Variants in ZNF846 observed in about 807,000 individuals in gnomAD.
ZNF846 encodes the protein zinc finger protein 846, also known as zinc finger protein 420 pseudogene.
In ZNF846, 15 loss-of-function variants were observed where a neutral mutation model predicts 16.0. The ratio of observed to expected loss-of-function variants is 0.94; its 90% confidence interval spans 0.63 to 1.45. ZNF846 has a LOEUF of 1.45. Among genes scored for constraint, ZNF846 ranks in the 40% most tolerant of loss-of-function variants. The pLI is 0.00. For synonymous variants in ZNF846, 229 were observed against 212.0 expected (o/e 1.08, Z -0.70); for missense variants, 714 against 622.3 (o/e 1.15, Z -1.57).
At position 9,783,544 on chromosome 19, in the gene ZNF846, AATAT is replaced by A. The variant is rs1555714919; in HGVS notation, c.-86+2390_-86+2393del. ...TCATCACTAAAAAAAAAAAAAAAAA[AATAT>A]ATATATATATATATATATTCTTTAA... On this transcript the variant is annotated intron_variant, in intron 1 of 4. Coordinates refer to the ZNF846 transcript ENST00000586814. Among the ~76,000 whole-genome samples, 348 of 108,794 alleles carry A rather than the reference AATAT, an allele frequency of 3.2e-3. 2 individuals are homozygous for A. The highest frequency in any genetic ancestry group is 0.014 in the African/African-American group (325 of 22,774). 71.4% of individuals were successfully genotyped at this position (108,794 alleles called of 152,430 possible). A position where few individuals can be genotyped will look rare whatever the true frequency, so the allele number is the denominator to read the frequency against.
chr19:9,778,853 A>C (rs2045473340), intron 1 of ZNF846, among the ~76,000 whole-genome samples: 1 of 146,348 alleles, frequency 6.8e-6, no homozygotes, highest in African/African-American at 2.5e-5. Context: ...TATGTTGCCC[A>C]GGCTGGATTC....
At chr19:9,764,969 C>A in exon 2 of ZNF846, 1 of 1,614,126 alleles carries the variant, frequency 6.2e-7, no homozygotes, top group East Asian at 2.2e-5. Flanking sequence ...CATCAGTAAC[C>A]CAGCCACTAG....
In ZNF846 at chr19:9,785,369, T is replaced by C. The variant is rs1367784972; in HGVS notation, c.-86+569A>G. 2.6e-5 allele frequency among the ~76,000 whole-genome samples: 4 copies of C among 152,054 alleles called. No individual in the cohort carries two copies. In the East Asian group the frequency reaches 7.7e-4, roughly 29 times the overall value. On this transcript the variant is annotated intron_variant, in intron 1 of 4. Transcript: ENST00000586814. Reference sequence around the variant, plus strand: ...CCTGCCAGCATGCCCAGCTAATTTTTGTATTTTTAGTAGAGATGGGGTTTC... The same window carrying C: ...CCTGCCAGCATGCCCAGCTAATTTTCGTATTTTTAGTAGAGATGGGGTTTC...
chr19:9,764,705 AAG>A, intron 2 of ZNF846: 1 of 554,910 alleles, frequency 1.8e-6, no homozygotes, highest in South Asian at 2.1e-5. Flanking sequence ...CCTGGGAACA[AAG>A]AGAGAGCCCC....
At chr19:9,767,090 G>A (rs1599393541) in intron 1 of ZNF846, among the ~76,000 whole-genome samples, 2 of 151,490 alleles carry the variant, frequency 1.3e-5, no homozygotes, top group South Asian at 4.2e-4. Flanking sequence ...GCTTCCCAAA[G>A]TGCTGGGATT....
At chr19:9,773,901 G>C (rs532164698) in intron 1 of ZNF846, among the ~76,000 whole-genome samples, 29 of 152,304 alleles carry the variant, frequency 1.9e-4, no homozygotes, top group Non-Finnish European at 3.2e-4. Flanking sequence ...AAAATAATAA[G>C]TTAACAGAAT....
chr19:9,763,008 G>C (rs1283794908), intron 3 of ZNF846, among the ~76,000 whole-genome samples: 1 of 152,104 alleles, frequency 6.6e-6, no homozygotes, highest in Non-Finnish European at 1.5e-5. Context: ...GATGGCCATG[G>C]TGGTGCACAC....
At chr19:9,784,640 G>GTT (rs1429849295) in intron 1 of ZNF846, among the ~76,000 whole-genome samples, 1 of 152,102 alleles carries the variant, frequency 6.6e-6, no homozygotes, top group Non-Finnish European at 1.5e-5. Context: ...CTGGGGGACA[G>GTT]TAAGGTCTTT....
chr19:9,751,407 T>TA (rs933130981), downstream of ZNF846, among the ~76,000 whole-genome samples: 6 of 152,096 alleles, frequency 3.9e-5, no homozygotes, highest in African/African-American at 9.7e-5. Flanking sequence ...CTTATTAACA[T>TA]AAAAAAACAG....
At chr19:9,749,353 A>G (rs2045066473), downstream of ZNF846, among the ~76,000 whole-genome samples, 1 of 152,008 alleles carries the variant, frequency 6.6e-6, no homozygotes, top group South Asian at 2.1e-4. Flanking sequence ...ACACCTATTC[A>G]TCATTCTCAA....
At chr19:9,753,420 T>G (rs78096186), downstream of ZNF846, among the ~76,000 whole-genome samples, 6 of 133,144 alleles carry the variant, frequency 4.5e-5, no homozygotes, top group South Asian at 9.6e-4. Context: ...CTGGGCTGAT[T>G]TTTTTTTTTT....
chr19:9,756,587 C>T (rs1194154459), downstream of ZNF846: 4 of 151,070 alleles, frequency 2.6e-5, no homozygotes, highest in African/African-American at 9.9e-5. Context: ...CTGAAACTGT[C>T]AGAAATTTCT....
At chr19:9,770,714 C>G (rs1043017386), upstream of ZNF846, among the ~76,000 whole-genome samples, 3 of 151,238 alleles carry the variant, frequency 2.0e-5, no homozygotes, top group Non-Finnish European at 4.4e-5. Context: ...CTAAAAAATA[C>G]AAAAACCAGC....
At chr19:9,785,050 C>A (rs1325500324) in intron 1 of ZNF846, among the ~76,000 whole-genome samples, 1 of 152,066 alleles carries the variant, frequency 6.6e-6, no homozygotes, top group African/African-American at 2.4e-5. Flanking sequence ...ACAGTCTGAT[C>A]TCTCTTTCTT....
At chr19:9,750,166 A>G (rs1227071141), downstream of ZNF846, among the ~76,000 whole-genome samples, 1 of 152,100 alleles carries the variant, frequency 6.6e-6, no homozygotes, top group Non-Finnish European at 1.5e-5. Context: ...TTACTGACAA[A>G]CTAAAAAACA....
intron 1 of ZNF846, among the ~76,000 whole-genome samples, chr19:9,778,803 CAAAAAAAAAAAAA>C (rs56001426): frequency 1.9e-5 from 1 of 51,368 alleles, no homozygotes; most frequent in Non-Finnish European, 4.1e-5. Context: ...AAACTCGTCT[CAAAAAAAAAAAAA>C]AAAAAAAAAA....
chr19:9,785,593 T>G (rs1476176140), intron 1 of ZNF846, among the ~76,000 whole-genome samples: 20 of 68,020 alleles, frequency 2.9e-4, no homozygotes, highest in Non-Finnish European at 4.6e-4. Context: ...CCCCCATCTC[T>G]CCCTCGCCGA....
intron 3 of ZNF846, 49 bp from the exon 4 acceptor site, chr19:9,762,217 C>T (rs754005284): frequency 4.9e-6 from 7 of 1,429,162 alleles, no homozygotes; most frequent in Non-Finnish European, 6.9e-6. Flanking sequence ...GACATAACAC[C>T]ATGTCCTTCA....
chr19:9,766,070 G>T (rs1280557838), intron 1 of ZNF846, among the ~76,000 whole-genome samples: 1 of 152,116 alleles, frequency 6.6e-6, no homozygotes, highest in African/African-American at 2.4e-5. Context: ...CTGGTGAGGT[G>T]CACCCAAGTT....
Sources: allele counts gnomAD v4.1 joint callset (sites outside exome capture counted in the v4.1 genomes callset), GRCh38; gene constraint gnomAD v4.1.1; transcripts MANE v1.5; gene names NCBI Gene and HGNC (gene_info 2026-07-23, HGNC 2026-07-21).